The following UQCC1 variants were observed in gnomAD, a reference collection of about 807,000 sequenced individuals.
UQCC1 encodes ubiquinol-cytochrome c reductase complex assembly factor 1, also known as bFGF-repressed Zic-binding protein.
Under a neutral mutation model 48.0 loss-of-function variants are expected in UQCC1, and 38 were observed. That is an observed-to-expected ratio of 0.79 (90% CI 0.61 to 1.04). The LOEUF (loss-of-function observed/expected upper bound fraction) is 1.04. Ranked by LOEUF, UQCC1 falls within the 50% of genes least tolerant of loss-of-function variation. UQCC1 has a pLI of 0.00. For synonymous variants in UQCC1, 111 were observed against 129.2 expected (o/e 0.86, Z 0.95); for missense variants, 368 against 381.8 (o/e 0.96, Z 0.30).
chr20:35,411,774 G>A (rs2062369120), intron 1 of UQCC1, among the ~76,000 whole-genome samples, 166 bp downstream of exon 1: 1 of 152,152 alleles, frequency 6.6e-6, no homozygotes, highest in African/African-American at 2.4e-5. Flanking sequence ...AACGGGGTAG[G>A]AAGAGGTCGG....
At chr20:35,348,918 G>C (rs1459460000) in intron 6 of UQCC1, among the ~76,000 whole-genome samples, 1 of 152,154 alleles carries the variant, frequency 6.6e-6, no homozygotes, top group Non-Finnish European at 1.5e-5. Context: ...GCCTCCCGAA[G>C]TGTGGGGATT....
chr20:35,357,803 C>G (rs2061563263), intron 6 of UQCC1, among the ~76,000 whole-genome samples: 1 of 152,120 alleles, frequency 6.6e-6, no homozygotes, highest in South Asian at 2.1e-4. Flanking sequence ...CTGTCACAGA[C>G]TCTGACCATA....
chr20:35,382,166 G>A, intron 3 of UQCC1, 141 bp from the exon 4 acceptor site: 1 of 552,880 alleles, frequency 1.8e-6, no homozygotes, highest in Non-Finnish European at 3.2e-6. Flanking sequence ...AAGTGAAGTG[G>A]CACAATCATA....
chr20:35,343,728 G>C (rs2061405015), intron 7 of UQCC1, among the ~76,000 whole-genome samples: 2 of 152,016 alleles, frequency 1.3e-5, no homozygotes, highest in South Asian at 4.2e-4. Context: ...AGCCTGTATT[G>C]GGGGACCACC....
At chr20:35,410,703 T>A (rs2062339496) in intron 1 of UQCC1, among the ~76,000 whole-genome samples, 3 of 74 alleles carry the variant, frequency 0.041, no homozygotes, top group Non-Finnish European at 0.067. Flanking sequence ...AGACTCTGCC[T>A]CAAAAAAAAA....
At chr20:35,329,717 C>G (rs900378127) in intron 7 of UQCC1, among the ~76,000 whole-genome samples, 1 of 152,198 alleles carries the variant, frequency 6.6e-6, no homozygotes, top group African/African-American at 2.4e-5. Flanking sequence ...CAGATCCTGG[C>G]GGAGCTACTG....
chr20:35,391,387 C>A (rs1374792262), intron 2 of UQCC1, among the ~76,000 whole-genome samples: 1 of 151,966 alleles, frequency 6.6e-6, no homozygotes, highest in African/African-American at 2.4e-5. Context: ...TTGGGGAGGC[C>A]CACAGGGGTG....
chr20:35,341,632 A>C (rs557688197), intron 7 of UQCC1, among the ~76,000 whole-genome samples: 342 of 152,348 alleles, frequency 2.2e-3, no homozygotes, highest in African/African-American at 7.7e-3. Context: ...ACAGTGATAC[A>C]AAATAGAAAG....
intron 5 of UQCC1, among the ~76,000 whole-genome samples, chr20:35,367,337 A>G (rs1388751440): frequency 1.3e-5 from 2 of 151,818 alleles, no homozygotes; most frequent in African/African-American, 4.8e-5. Flanking sequence ...CTAGGCAAAC[A>G]CTCCCTTACT....
At chr20:35,400,422 CACTGTT>C (rs1021834386) in intron 1 of UQCC1, among the ~76,000 whole-genome samples, 1 of 152,012 alleles carries the variant, frequency 6.6e-6, no homozygotes. Flanking sequence ...AAGATAAATG[CACTGTT>C]ACTAAGTGAG....
At chr20:35,401,682 A>G (rs535128012) in intron 1 of UQCC1, among the ~76,000 whole-genome samples, 23 of 125,606 alleles carry the variant, frequency 1.8e-4, no homozygotes, top group Admixed American at 1.1e-3. Flanking sequence ...TTTTTTTGAG[A>G]CAGAGTTTCA....
At position 35,375,881 on chromosome 20, in the gene UQCC1, G is replaced by A. The variant is rs145210466; in HGVS notation, c.334-1625C>T. Among the ~76,000 whole-genome samples the A allele has an allele frequency of 1.3e-3, 201 of 150,646 alleles. 1 individual carries two copies. The highest frequency in any genetic ancestry group is 6.6e-4 in the Admixed American group (10 of 15,056). ...AGGTAGGAGGCTGAGCCTGGAAGGC[G>A]GAGGTTGCAGCAAGCTGAGATCACG... is the stretch of plus-strand genomic sequence containing the variant. On this transcript the variant is annotated intron_variant, in intron 4 of 9. Transcript: ENST00000374385.
chr20:35,308,653 G>C (rs561372034), intron 8 of UQCC1, among the ~76,000 whole-genome samples: 3 of 152,352 alleles, frequency 2.0e-5, no homozygotes, highest in African/African-American at 7.2e-5. Context: ...TCCCTCACAC[G>C]CCTAGCTCCT....
intron 7 of UQCC1, among the ~76,000 whole-genome samples, chr20:35,338,912 G>T (rs1269460605): frequency 0.17 from 7,409 of 44,652 alleles, 1,300 homozygotes; most frequent in African/African-American, 0.37. Context: ...TATATATGGA[G>T]AGATTTTTCA....
At chr20:35,314,123 C>G (rs2061027922) in intron 8 of UQCC1, among the ~76,000 whole-genome samples, 3 of 152,000 alleles carry the variant, frequency 2.0e-5, no homozygotes, top group Middle Eastern at 3.4e-3. Context: ...CACCACCATA[C>G]CCGGCTAAGT....
chr20:35,397,339 C>A (rs1418586313), intron 1 of UQCC1, among the ~76,000 whole-genome samples: 13 of 151,090 alleles, frequency 8.6e-5, no homozygotes, highest in Non-Finnish European at 1.2e-4. Context: ...CACAGTGAAA[C>A]CCCTTCTCTA....
intron 7 of UQCC1, among the ~76,000 whole-genome samples, chr20:35,326,293 A>G (rs996163058): frequency 2.6e-5 from 4 of 152,256 alleles, no homozygotes; most frequent in African/African-American, 9.6e-5. Flanking sequence ...ATCAGACCTC[A>G]CTGAAGAAAG....
intron 7 of UQCC1, among the ~76,000 whole-genome samples, chr20:35,333,464 C>CA (rs2061279882): frequency 6.6e-6 from 1 of 152,098 alleles, no homozygotes; most frequent in African/African-American, 2.4e-5. Context: ...GCAGTTGTGG[C>CA]AAAAGGAAAG....
intron 3 of UQCC1, 28 bp downstream of exon 3, chr20:35,384,010 A>G (rs2061907601): frequency 1.9e-6 from 3 of 1,586,238 alleles, no homozygotes; most frequent in Non-Finnish European, 2.6e-6. Flanking sequence ...AGCACTCTAT[A>G]AACACAGAAT....
Sources: gnomAD v4.1 joint callset for allele counts (sites outside exome capture counted in the v4.1 genomes callset) on GRCh38, gnomAD v4.1.1 for gene constraint, MANE v1.5 for transcripts, NCBI Gene and HGNC (gene_info 2026-07-23, HGNC 2026-07-21) for gene names.